MICALL2: variants seen among roughly 807,000 people sequenced by gnomAD.
MICALL2 encodes the protein MICAL-like protein 2.
In MICALL2, 111 loss-of-function variants were observed where a neutral mutation model predicts 91.1. That is an observed-to-expected ratio of 1.22 (90% CI 1.04 to 1.43). The LOEUF is 1.43. Ranked by LOEUF, MICALL2 falls within the 40% of genes most tolerant of loss-of-function variation. The probability of loss-of-function intolerance (pLI) is 0.00; values close to 1 mark genes in which losing one functional copy is unlikely to be tolerated. For missense variants in MICALL2, 1,556 were observed against 1,236.0 expected, an observed-to-expected ratio of 1.26 and a Z score of -3.88; for synonymous variants, 694 against 525.3, an observed-to-expected ratio of 1.32 and a Z score of -4.39.
intron 1 of MICALL2, among the ~76,000 whole-genome samples, chr7:1,458,193 G>C (rs1219677605): frequency 2.0e-5 from 3 of 152,226 alleles, no homozygotes; most frequent in Non-Finnish European, 4.4e-5. Flanking sequence ...AGGAGCCCCG[G>C]ATCTGCGCAA....
intron 14 of MICALL2, 34 bp from the exon 15 acceptor site, chr7:1,436,890 C>T (rs200382638): frequency 4.1e-6 from 6 of 1,453,134 alleles, no homozygotes; most frequent in Non-Finnish European, 4.6e-6. Context: ...GAGCCCCCCC[C>T]ACCACTGCCA....
At position 1,441,952 on chromosome 7, in the gene MICALL2, C is replaced by T. The variant is rs1475337805; in HGVS notation, c.1711+240G>A. The T allele has an allele frequency of 4.4e-5, 25 of 570,550 alleles. 1 individual carries two copies. The highest frequency in any genetic ancestry group is 2.1e-4 in the East Asian group (7 of 33,006). 35.3% of individuals were successfully genotyped at this position (570,550 alleles called of 1,614,324 possible). A position where few individuals can be genotyped will look rare whatever the true frequency, so the allele number is the denominator to read the frequency against. On this transcript the variant is annotated intron_variant, in intron 7 of 16. Coordinates refer to ENST00000297508, the MANE Select transcript of MICALL2 (RefSeq NM_182924.4). ...GGGCTGCAGGCACCTGCAGGACGTG[C>T]GGATGGGGTGGGCTGGGTGCCGGCA... is the stretch of plus-strand genomic sequence containing the variant.
chr7:1,448,807 CCTT>C, intron 2 of MICALL2, 46 bp from the exon 3 acceptor site: 1 of 1,605,240 alleles, frequency 6.2e-7, no homozygotes, highest in Non-Finnish European at 8.5e-7. Context: ...GGAGCCCCCT[CCTT>C]CTCCACCAGG....
intron 6 of MICALL2, among the ~76,000 whole-genome samples, chr7:1,443,231 C>T (rs1243444859): frequency 2.0e-5 from 3 of 151,368 alleles, no homozygotes; most frequent in Non-Finnish European, 3.0e-5. Flanking sequence ...CCTGGAGCAC[C>T]CCCGCCACTC....
At chr7:1,436,108 G>A (rs527832420) in intron 15 of MICALL2, among the ~76,000 whole-genome samples, 10 of 151,408 alleles carry the variant, frequency 6.6e-5, no homozygotes, top group African/African-American at 1.7e-4. Flanking sequence ...AAGACTTTAC[G>A]GCCAGTTACG....
chr7:1,450,101 G>T, intron 2 of MICALL2, 139 bp downstream of exon 2: 1 of 705,440 alleles, frequency 1.4e-6, no homozygotes. Flanking sequence ...TTGCCGGGCT[G>T]GTCAGGGAGC....
intron 1 of MICALL2, among the ~76,000 whole-genome samples, chr7:1,453,453 C>T (rs1179091014): frequency 6.6e-6 from 1 of 152,180 alleles, no homozygotes; most frequent in East Asian, 1.9e-4. Context: ...CCCAGCCCTG[C>T]TCACACCTCC....
In MICALL2 at chr7:1,447,725, A is replaced by G. The variant is rs1780664719; in HGVS notation, c.375T>C (p.Ser125=). 1 of 1,573,628 alleles carries G rather than the reference A, an allele frequency of 6.4e-7. No homozygotes were observed. Residue 125 remains serine (S), a synonymous_variant, in exon 4 of 17, where the codon TCT becomes TCC. Transcript: ENST00000297508. ...CCTTCTTCCCTGACGGCTCCTCCTCAGAGTCCTCCGAGGCCCTCTTCACGC... is the reference window on the plus strand; with the variant it reads ...CCTTCTTCCCTGACGGCTCCTCCTCGGAGTCCTCCGAGGCCCTCTTCACGC... ...MAGVKRASED[S]EEEPSGKKAP...
chr7:1,444,782 T>C lies in MICALL2; in HGVS notation c.1288A>G (p.Thr430Ala), dbSNP rs61747084. ...FFQTSAVPPGTSLSGRGPTPS... is the reference protein window; with the variant it reads ...FFQTSAVPPGASLSGRGPTPS... ...GTGGGACCTCTGCCAGAAAGGCTGG[T>C]GCCGGGGGGCACTGCTGATGTTTGG... Residue 430 changes from threonine to alanine, a missense_variant, in exon 6 of 17, where the codon ACC becomes GCC. Physicochemically the swap from Thr to Ala is moderately conservative, Grantham distance 58. Transcript: ENST00000297508. 0.012 allele frequency: 19,352 copies of C among 1,611,842 alleles called. 1,833 individuals carry two copies. In the African/African-American group the frequency reaches 0.22, roughly 18 times the overall value.
rs1316262854 is a variant in MICALL2, at chr7:1,441,916, G to GCTGCAGGGCTGGGCTGCAGGCAC, written c.1711+253_1711+275dup. The GCTGCAGGGCTGGGCTGCAGGCAC allele has an allele frequency of 9.9e-6, 5 of 506,470 alleles. No homozygotes were observed. The East Asian group carries it at 1.8e-4, about 18-fold the overall frequency. 31.4% of individuals were successfully genotyped at this position (506,470 alleles called of 1,614,324 possible). ...ACTGCCAGACCGAGCTGAGCGGGACGCTGCAGGGCTGGGCTGCAGGCACCT... is the reference window on the plus strand; with the variant it reads ...ACTGCCAGACCGAGCTGAGCGGGACGCTGCAGGGCTGGGCTGCAGGCACCTGCAGGGCTGGGCTGCAGGCACCT... On this transcript the variant is annotated intron_variant, in intron 7 of 16. Transcript: ENST00000297508.
intron 6 of MICALL2, among the ~76,000 whole-genome samples, chr7:1,443,425 T>C (rs1373646640): frequency 6.6e-6 from 1 of 152,132 alleles, no homozygotes; most frequent in African/African-American, 2.4e-5. Context: ...GAAACGGCGT[T>C]GTCAGCCAGG....
Position 1,448,640 on chromosome 7 carries a change from T to G in MICALL2, c.314A>C (p.Tyr105Ser), listed in dbSNP as rs1780700917. Residue 105 changes from tyrosine (Y) to serine (S), a missense_variant, in exon 3 of 17, where the codon TAC (tyrosine) becomes TCC (serine). Physicochemically the swap from Tyr to Ser is moderately radical, Grantham distance 144. Coordinates refer to ENST00000297508, the MANE Select transcript of MICALL2 (RefSeq NM_182924.4). ...ILTYVSQYYN[Y>S]FHGRSPIGGM... ...CTCACTGGGGGAGCGGCCGTGGAAG[T>G]AGTTGTAATACTGGGACACGTAGGT... The G allele has an allele frequency of 1.9e-6, 3 of 1,612,452 alleles. No individual in the cohort carries two copies. In the East Asian group the frequency reaches 6.7e-5, roughly 36 times the overall value.
intron 14 of MICALL2, 75 bp downstream of exon 14, chr7:1,437,460 G>C: frequency 7.4e-7 from 1 of 1,353,008 alleles, no homozygotes; most frequent in Non-Finnish European, 9.8e-7. Flanking sequence ...TGGCCTCACA[G>C]AGCCGGCCCC....
intron 7 of MICALL2, chr7:1,441,930 C>T (rs1324081425): frequency 3.7e-6 from 2 of 546,440 alleles, no homozygotes; most frequent in African/African-American, 3.8e-5. Context: ...CAGGGCTGGG[C>T]TGCAGGCACC....
Position 1,434,789 on chromosome 7 carries a change from G to A in MICALL2, c.2639-117C>T, listed in dbSNP as rs946122606. 4.0e-5 allele frequency: 44 copies of A among 1,094,886 alleles called. No homozygotes were observed. The South Asian group carries it at 6.2e-4, about 15-fold the overall frequency. 67.8% of individuals were successfully genotyped at this position (1,094,886 alleles called of 1,614,324 possible). A position where few individuals can be genotyped will look rare whatever the true frequency, so the allele number is the denominator to read the frequency against. On this transcript the variant is annotated intron_variant, in intron 16 of 16. Transcript: ENST00000297508. ...TTCCACTGGCCACAATCCGCCCTGG[G>A]CCTCCGAGCCTGCAGGAAGCCCTGT...
chr7:1,440,934 G>A (rs1780250637), intron 7 of MICALL2: 4 of 506,886 alleles, frequency 7.9e-6, no homozygotes, highest in East Asian at 3.6e-5. Flanking sequence ...TTCCCCTTCT[G>A]CCGAATGGGT....
chr7:1,442,654 C>T (rs1025622002), intron 6 of MICALL2, among the ~76,000 whole-genome samples, 170 bp from the exon 7 acceptor site: 12 of 148,618 alleles, frequency 8.1e-5, no homozygotes, highest in East Asian at 2.0e-4. Flanking sequence ...TGCGCCAGGC[C>T]ACCCCTCCGC....
At chr7:1,458,703 G>C (rs1028616073) in intron 1 of MICALL2, among the ~76,000 whole-genome samples, 15 of 152,226 alleles carry the variant, frequency 9.9e-5, no homozygotes, top group African/African-American at 3.6e-4. Context: ...GCAGCACCTG[G>C]GGTCTGGGGG....
intron 9 of MICALL2, 173 bp from the exon 10 acceptor site, chr7:1,439,168 C>T: frequency 1.7e-6 from 1 of 582,888 alleles, no homozygotes; most frequent in Non-Finnish European, 3.0e-6. Context: ...CCTGCCCAAC[C>T]TGGCCATGTC....
Sources: gnomAD v4.1 joint callset for allele counts (sites outside exome capture counted in the v4.1 genomes callset) on GRCh38, gnomAD v4.1.1 for gene constraint, MANE v1.5 for transcripts, NCBI Gene and HGNC (gene_info 2026-07-23, HGNC 2026-07-21) for gene names.